Variants in COL2A1 observed in about 807,000 individuals in gnomAD.
COL2A1 encodes the protein collagen type II alpha 1 chain.
COL2A1 carries 28 observed loss-of-function variants against 204.5 expected under a neutral mutation model. That is an observed-to-expected ratio of 0.14 (90% CI 0.10 to 0.19). The LOEUF (loss-of-function observed/expected upper bound fraction) is 0.19, where lower values mean the gene tolerates loss of function less well. Among genes scored for constraint, COL2A1 ranks in the 10% least tolerant of loss-of-function variants. The pLI, the probability that COL2A1 is intolerant of heterozygous loss-of-function variation, is 1.00. For missense variants in COL2A1, 1,388 were observed against 2,027.5 expected (o/e 0.68, Z 6.06); for synonymous variants, 708 against 718.7 (o/e 0.99, Z 0.24).
chr12:47,975,501 G>A lies in COL2A1; in HGVS notation c.3702C>T (p.Asp1234=). 6.2e-7 allele frequency: 1 copy of A among 1,612,792 alleles called. No individual in the cohort carries two copies. The highest frequency in any genetic ancestry group is 8.5e-7 in the Non-Finnish European group (1 of 1,180,012). The change falls in exon 51 of 54, where the codon GAC becomes GAT. Residue 1234 remains aspartate (D), a synonymous_variant. Coordinates refer to ENST00000380518, the MANE Select transcript of COL2A1 (RefSeq NM_001844.5). ...GGTCGGCCCGCATGTACTGCAGGGGGTCGGGGCCCTTCTCTCTCGGGCCTA... is the reference window on the plus strand; with the variant it reads ...GGTCGGCCCGCATGTACTGCAGGGGATCGGGGCCCTTCTCTCTCGGGCCTA... ...AGLGPREKGP[D]PLQYMRADQA...
rs573522335 is a variant in COL2A1 at position 47,979,918 on chromosome 12, C to T, written c.2679+91G>A. 138 of 1,113,264 alleles carry T rather than the reference C, an allele frequency of 1.2e-4. No homozygotes were observed. In the East Asian group the frequency reaches 3.5e-3, roughly 29 times the overall value. 69.0% of individuals were successfully genotyped at this position (1,113,264 alleles called of 1,614,324 possible). On this transcript the variant is annotated intron_variant, in intron 40 of 53. Coordinates refer to ENST00000380518, the MANE Select transcript of COL2A1 (RefSeq NM_001844.5). ...ACCAACGCAGGGCTGGGAAAACAGT[C>T]GGGGGCATCCCAGAACACCCCCGCC...
Position 47,986,854 on chromosome 12 carries a change from T to C in COL2A1, c.1400A>G (p.Gln467Arg), listed in dbSNP as rs765413831. 10 of 1,614,030 alleles carry C rather than the reference T, an allele frequency of 6.2e-6. No individual in the cohort carries two copies. The African/African-American group carries it at 1.2e-4, about 19-fold the overall frequency. The stretch of plus-strand genomic sequence containing the variant: ...ACTCACAGGTTCTCCCTTGGGGCCT[T>C]GTTCACCTTTGAAGCCAGCAATACC... Reference protein sequence around the residue: ...EPGIAGFKGEQGPKGEPGPAG... With the variant: ...EPGIAGFKGERGPKGEPGPAG... Residue 467 changes from glutamine to arginine, a missense_variant, in exon 22 of 54, where the codon CAA becomes CGA. By Grantham distance (43) the Gln-to-Arg change is conservative. Transcript: ENST00000380518.
chr12:47,979,423 C>G (rs1938912628), intron 41 of COL2A1, 88 bp downstream of exon 41: 2 of 1,409,380 alleles, frequency 1.4e-6, no homozygotes, highest in Non-Finnish European at 2.0e-6. Context: ...GGAGTGAAGG[C>G]CAGCCTGGAG....
At chr12:47,977,268 TCAGCCC>T (rs1938766481) in intron 46 of COL2A1, 46 bp downstream of exon 46, 1 of 1,567,118 alleles carries the variant, frequency 6.4e-7, no homozygotes, top group Non-Finnish European at 8.8e-7. Context: ...AGGGACTGCC[TCAGCCC>T]CACCGCGCAG....
chr12:47,984,158 A>G lies in COL2A1; in HGVS notation c.1888-18T>C. 6.2e-7 allele frequency: 1 copy of G among 1,612,444 alleles called. No individual in the cohort carries two copies. The highest frequency in any genetic ancestry group is 2.2e-5 in the East Asian group (1 of 44,860). ...GGAAGACCCTAGACAGAAGAGAAAA[A>G]GAAAAGTCAATGACACGCTTTTCTT... On this transcript the variant is annotated intron_variant, in intron 28 of 53. Transcript: ENST00000380518.
At position 47,986,634 on chromosome 12, in the gene COL2A1, C is replaced by A. The variant is rs534056276; in HGVS notation, c.1420-191G>T. Among the ~76,000 whole-genome samples the A allele has an allele frequency of 6.2e-4, 95 of 152,336 alleles. 1 individual carries two copies. The highest frequency in any genetic ancestry group is 2.3e-3 in the Admixed American group (35 of 15,304). On this transcript the variant is annotated intron_variant, in intron 22 of 53. Coordinates refer to ENST00000380518, the MANE Select transcript of COL2A1 (RefSeq NM_001844.5). ...GAGAGGGGCTAAAGATCCAACTGTTCACACTAGCCAAACCAAGGATGGGAG... is the reference window on the plus strand; with the variant it reads ...GAGAGGGGCTAAAGATCCAACTGTTAACACTAGCCAAACCAAGGATGGGAG...
In COL2A1 at chr12:47,980,790, T is replaced by A; in HGVS notation, c.2517+125A>T. 1 of 1,391,234 alleles carries A rather than the reference T, an allele frequency of 7.2e-7. No homozygotes were observed. Among genetic ancestry groups the A allele is most frequent in the South Asian group, 1.2e-5 (1 of 80,866 alleles). 86.2% of individuals were successfully genotyped at this position (1,391,234 alleles called of 1,614,324 possible). A position where few individuals can be genotyped will look rare whatever the true frequency, so the allele number is the denominator to read the frequency against. ...TCTGGACATGATGGTTCTATTAGTA[T>A]GGAGGCGGGAAAGGAGAGGAGAGGA... is the stretch of plus-strand genomic sequence containing the variant. On this transcript the variant is annotated intron_variant, in intron 38 of 53. Coordinates refer to ENST00000380518, the MANE Select transcript of COL2A1 (RefSeq NM_001844.5). The surrounding 1 kb of genome is among the most constrained non-coding windows in gnomAD (Gnocchi z 4.5).
rs1238275721 is a variant in COL2A1 at position 47,982,559 on chromosome 12, A to G, written c.2244T>C (p.Leu748=). The change falls in exon 34 of 54, where the codon CTT becomes CTC. Residue 748 remains leucine (L), a synonymous_variant. Coordinates refer to ENST00000380518, the MANE Select transcript of COL2A1 (RefSeq NM_001844.5). ...GPPGAQGPPG[L]QGMPGERGAA... is the part of the protein sequence containing the mutation. ...CTCCCCTCTCGCCAGGCATTCCCTGAAGACCTGGAGGGCCCTGAGCCCCAG... is the reference window on the plus strand; with the variant it reads ...CTCCCCTCTCGCCAGGCATTCCCTGGAGACCTGGAGGGCCCTGAGCCCCAG... 1 of 1,613,854 alleles carries G rather than the reference A, an allele frequency of 6.2e-7. No individual in the cohort carries two copies. Among genetic ancestry groups the G allele is most frequent in the South Asian group, 1.1e-5 (1 of 91,080 alleles).
rs1256759955 is a variant in COL2A1, at chr12:47,987,572, AC to A, written c.1221+38del. The A allele has an allele frequency of 1.9e-5, 29 of 1,544,834 alleles. No individual in the cohort carries two copies. The highest frequency in any genetic ancestry group is 2.5e-5 in the Non-Finnish European group (28 of 1,125,902). On this transcript the variant is annotated intron_variant, in intron 19 of 53. Coordinates refer to ENST00000380518, the MANE Select transcript of COL2A1 (RefSeq NM_001844.5). The surrounding 1 kb of genome is among the most constrained non-coding windows in gnomAD (Gnocchi z 4.1). The stretch of plus-strand genomic sequence containing the variant: ...AGAGTCAAGAGTTCCAAAGCCACAG[AC>A]CCCAGACCCCCCCAGGCCAAAGAGA...
chr12:47,988,790 G>C (rs12817104), intron 18 of COL2A1, among the ~76,000 whole-genome samples: 39,805 of 152,224 alleles, frequency 0.26, 6,536 homozygotes, highest in Non-Finnish European at 0.37. Flanking sequence ...CCCAAATAAA[G>C]CAGAAACCCA....
intron 34 of COL2A1, 98 bp from the exon 35 acceptor site, chr12:47,982,258 C>T (rs750907200): frequency 1.8e-6 from 2 of 1,123,934 alleles, no homozygotes; most frequent in Middle Eastern, 2.1e-4. Flanking sequence ...AAAGCCCAGT[C>T]CCTGCCCAAG....
intron 28 of COL2A1, 145 bp from the exon 29 acceptor site, chr12:47,984,285 CCCTT>C: frequency 1.2e-6 from 1 of 814,922 alleles, no homozygotes; most frequent in South Asian, 1.5e-5. Context: ...ACCTTCCCCT[CCCTT>C]CCTTCCCAGG....
chr12:47,975,381 G>A lies in COL2A1; in HGVS notation c.3822C>T (p.Gly1274=), dbSNP rs1454805229. 3 of 1,614,212 alleles carry A rather than the reference G, an allele frequency of 1.9e-6. No individual in the cohort carries two copies. The highest frequency in any genetic ancestry group is 1.7e-6 in the Non-Finnish European group (2 of 1,180,042). ...AGGTGCGAGCAGGGTTCTTGCGGGAGCCCTCGGGGCTGCGGATGCTCTCAA... is the reference window on the plus strand; with the variant it reads ...AGGTGCGAGCAGGGTTCTTGCGGGAACCCTCGGGGCTGCGGATGCTCTCAA... ...NQIESIRSPE[G]SRKNPARTCR... The change falls in exon 51 of 54, where the codon GGC becomes GGT. Residue 1274 remains glycine (G), a synonymous_variant. Coordinates refer to ENST00000380518, the MANE Select transcript of COL2A1 (RefSeq NM_001844.5).
In COL2A1 at chr12:47,974,758, C is replaced by G. The variant is rs12721427; in HGVS notation, c.3991G>C (p.Val1331Leu). Residue 1331 changes from valine to leucine, a missense_variant, in exon 52 of 54, where the codon GTT becomes CTT. This residue lies in a region of COL2A1 where 303 missense variants were observed against 369.2 expected (regional missense o/e 0.82). Transcript: ENST00000380518. ...ETCVYPNPANVPKKNWWSSKS... is the reference protein window; with the variant it reads ...ETCVYPNPANLPKKNWWSSKS... ...CTGCTCCACCAGTTCTTCTTGGGAA[C>G]GTTTGCTGGATTGGGGTAGACGCAA... 1.2e-6 allele frequency: 2 copies of G among 1,614,126 alleles called. No individual in the cohort carries two copies. The highest frequency in any genetic ancestry group is 1.7e-6 in the Non-Finnish European group (2 of 1,180,024).
At chr12:47,977,576 CA>C in intron 45 of COL2A1, 23 bp downstream of exon 45, 1 of 1,613,974 alleles carries the variant, frequency 6.2e-7, no homozygotes, top group Non-Finnish European at 8.5e-7. Context: ...CAACCCACTG[CA>C]CACACAGACA....
Position 47,973,522 on chromosome 12 carries a change from A to G in COL2A1, c.4349T>C (p.Ile1450Thr), listed in dbSNP as rs1938539575. Residue 1450 changes from isoleucine (I) to threonine (T), a missense_variant, in exon 54 of 54, where the codon ATC (isoleucine) becomes ACC (threonine). Ile to Thr is a moderately conservative substitution (Grantham distance 89). Coordinates refer to ENST00000380518, the MANE Select transcript of COL2A1 (RefSeq NM_001844.5). The part of the protein sequence containing the change: ...KHTGKWGKTV[I>T]EYRSQKTSRL... ...TGAGGTCTTCTGTGACCGGTACTCG[A>G]TAACAGTCTTGCCCCACTTACCGGT... The G allele has an allele frequency of 1.2e-6, 2 of 1,614,138 alleles. No homozygotes were observed. The highest frequency in any genetic ancestry group is 1.7e-6 in the Non-Finnish European group (2 of 1,180,028).
At chr12:47,983,319 C>T in intron 31 of COL2A1, 66 bp downstream of exon 31, 1 of 1,576,960 alleles carries the variant, frequency 6.3e-7, no homozygotes, top group East Asian at 2.2e-5. Flanking sequence ...TTGCCCTTGC[C>T]TCCTAGGCAT....
chr12:47,985,674 C>T, intron 25 of COL2A1, 54 bp downstream of exon 25: 2 of 1,610,272 alleles, frequency 1.2e-6, no homozygotes, highest in Admixed American at 3.3e-5. Flanking sequence ...AAGGAGCCAG[C>T]CAGGAAGGGC....
At chr12:47,983,564 G>T (rs1054708524) in intron 30 of COL2A1, 119 bp downstream of exon 30, 17 of 1,428,130 alleles carry the variant, frequency 1.2e-5, no homozygotes, top group Non-Finnish European at 1.5e-5. Context: ...GTGCAGGGAA[G>T]GCTCGATGCC....
Sources: allele counts gnomAD v4.1 joint callset (sites outside exome capture counted in the v4.1 genomes callset), GRCh38; gene constraint gnomAD v4.1.1; regional missense constraint gnomAD v4.1.1; non-coding constraint Gnocchi (gnomAD v3.1); transcripts MANE v1.5; gene names NCBI Gene and HGNC (gene_info 2026-07-23, HGNC 2026-07-21).